The following OXR1 variants were observed in gnomAD, a reference collection of about 807,000 sequenced individuals.
The protein encoded by OXR1 is oxidation resistance protein 1.
OXR1 carries 41 observed loss-of-function variants against 104.6 expected under a neutral mutation model. The ratio of observed to expected loss-of-function variants is 0.39; its 90% CI spans 0.31 to 0.51. The LOEUF (loss-of-function observed/expected upper bound fraction) is 0.51, where lower values mean the gene tolerates loss of function less well. Among genes scored for constraint, OXR1 ranks in the 20% least tolerant of loss-of-function variants. The probability of loss-of-function intolerance (pLI) is 0.77; values close to 1 mark genes in which losing one functional copy is unlikely to be tolerated. For missense variants in OXR1, 955 were observed against 1,031.9 expected, an observed-to-expected ratio of 0.93 and a Z score of 1.02; for synonymous variants, 348 against 348.4, an observed-to-expected ratio of 1.00 and a Z score of 0.01.
At chr8:106,479,279 A>C (rs1169670431) in intron 2 of OXR1, among the ~76,000 whole-genome samples, 1 of 151,992 alleles carries the variant, frequency 6.6e-6, no homozygotes. Flanking sequence ...TTTGGAAATT[A>C]GTACCAACCT....
intron 2 of OXR1, among the ~76,000 whole-genome samples, chr8:106,511,107 C>CATAAGTTTCCAATCT (rs1812495520): frequency 6.6e-6 from 1 of 152,132 alleles, no homozygotes; most frequent in African/African-American, 2.4e-5. Flanking sequence ...TCTTTTAAAG[C>CATAAGTTTCCAATCT]ATAAGTTTCC....
intron 1 of OXR1, among the ~76,000 whole-genome samples, chr8:106,279,779 A>ATCAGAGTTCCT (rs1249525896): frequency 1.3e-5 from 2 of 152,238 alleles, no homozygotes; most frequent in Non-Finnish European, 2.9e-5. Context: ...GTTGTAACTT[A>ATCAGAGTTCCT]TCAGAGTTCC....
chr8:106,530,057 G>T (rs1181072256), intron 3 of OXR1, among the ~76,000 whole-genome samples: 1 of 152,120 alleles, frequency 6.6e-6, no homozygotes, highest in African/African-American at 2.4e-5. Context: ...GTGAGGGGAA[G>T]AAAATGACAA....
At chr8:106,614,662 C>T (rs1420428582) in intron 3 of OXR1, among the ~76,000 whole-genome samples, 3 of 152,288 alleles carry the variant, frequency 2.0e-5, no homozygotes, top group Admixed American at 6.5e-5. Context: ...TTGAGTCTAG[C>T]TCCTATCAGA....
At chr8:106,496,935 G>A (rs972579671) in intron 2 of OXR1, among the ~76,000 whole-genome samples, 2 of 152,134 alleles carry the variant, frequency 1.3e-5, no homozygotes, top group African/African-American at 4.8e-5. Flanking sequence ...CCAAAGACTG[G>A]GAGGGTCAAG....
At chr8:106,552,934 A>G (rs554256413) in intron 3 of OXR1, among the ~76,000 whole-genome samples, 200 of 152,292 alleles carry the variant, frequency 1.3e-3, no homozygotes, top group African/African-American at 4.5e-3. Flanking sequence ...CTCCAAATAA[A>G]TAATATCATC....
intron 2 of OXR1, among the ~76,000 whole-genome samples, chr8:106,384,381 G>A (rs545462276): frequency 2.5e-4 from 38 of 152,266 alleles, no homozygotes; most frequent in African/African-American, 9.1e-4. Context: ...GACAGCTCAA[G>A]CCCATGTTCT....
chr8:106,627,971 G>A (rs1822315449), intron 3 of OXR1, among the ~76,000 whole-genome samples: 1 of 152,070 alleles, frequency 6.6e-6, no homozygotes, highest in African/African-American at 2.4e-5. Context: ...ATTCCTAACT[G>A]GACTCCTACC....
At position 106,679,197 on chromosome 8, in the gene OXR1, C is replaced by CT. The variant is rs779556889; in HGVS notation, c.221-6dup. ...AAGATGAATTTAATAGGAATTTTGCCTTTTTTTCCCAGACACTGGCCAAAA... is the reference window on the plus strand; with the variant it reads ...AAGATGAATTTAATAGGAATTTTGCCTTTTTTTTCCCAGACACTGGCCAAAA... On this transcript the variant is annotated splice_polypyrimidine_tract_variant and intron_variant, in intron 3 of 16. Coordinates refer to ENST00000517566, the MANE Select transcript of OXR1 (RefSeq NM_001198533.2). 5.1e-6 allele frequency: 8 copies of CT among 1,577,610 alleles called. No homozygotes were observed. The highest frequency in any genetic ancestry group is 1.7e-5 in the Admixed American group (1 of 57,896).
chr8:106,335,716 T>A (rs751813706), intron 1 of OXR1, among the ~76,000 whole-genome samples: 1 of 152,212 alleles, frequency 6.6e-6, no homozygotes, highest in South Asian at 2.1e-4. Flanking sequence ...GTTAAAACTA[T>A]GCTCAGGGTT....
intron 2 of OXR1, among the ~76,000 whole-genome samples, chr8:106,389,480 G>C (rs1817511148): frequency 6.6e-6 from 1 of 152,118 alleles, no homozygotes; most frequent in African/African-American, 2.4e-5. Flanking sequence ...TGTGTCTATA[G>C]AGCCTAAATT....
chr8:106,614,816 AGT>A (rs530431419), intron 3 of OXR1, among the ~76,000 whole-genome samples: 2 of 152,074 alleles, frequency 1.3e-5, no homozygotes, highest in African/African-American at 4.8e-5. Context: ...TTGATATGGC[AGT>A]GTGTGTGTGT....
chr8:106,613,723 A>T (rs545500619), intron 3 of OXR1, among the ~76,000 whole-genome samples: 4 of 152,314 alleles, frequency 2.6e-5, no homozygotes, highest in African/African-American at 9.6e-5. Context: ...CATATCAGCC[A>T]ACCATAACTG....
intron 1 of OXR1, among the ~76,000 whole-genome samples, chr8:106,284,167 C>T (rs1812400179): frequency 6.6e-6 from 1 of 151,918 alleles, no homozygotes; most frequent in South Asian, 2.1e-4. Context: ...GTCAGTTAGA[C>T]TACCTGGAAG....
At chr8:106,572,404 A>T (rs1159364422) in intron 3 of OXR1, among the ~76,000 whole-genome samples, 2 of 152,178 alleles carry the variant, frequency 1.3e-5, no homozygotes, top group Non-Finnish European at 2.9e-5. Context: ...CTTCAGAAAA[A>T]GCTTTCTCAA....
chr8:106,711,483 C>T (rs1321880220), intron 10 of OXR1, among the ~76,000 whole-genome samples: 1 of 152,072 alleles, frequency 6.6e-6, no homozygotes, highest in Non-Finnish European at 1.5e-5. Flanking sequence ...ATATTTTTAT[C>T]CCCATTATAG....
chr8:106,741,415 G>T (rs954695265), intron 14 of OXR1, among the ~76,000 whole-genome samples: 1 of 152,120 alleles, frequency 6.6e-6, no homozygotes, highest in African/African-American at 2.4e-5. Context: ...AGAACTAGTA[G>T]TGTTCTGTTT....
At chr8:106,294,487 T>C (rs1039600085) in intron 1 of OXR1, among the ~76,000 whole-genome samples, 2 of 151,740 alleles carry the variant, frequency 1.3e-5, no homozygotes, top group African/African-American at 4.8e-5. Context: ...CTGCAGACTT[T>C]ATAGGAAGCA....
At chr8:106,479,008 T>C (rs1821957912) in intron 2 of OXR1, among the ~76,000 whole-genome samples, 1 of 151,878 alleles carries the variant, frequency 6.6e-6, no homozygotes, top group Non-Finnish European at 1.5e-5. Context: ...TTCATAGATA[T>C]CCTCCATTAA....
Sources: gnomAD v4.1 joint callset for allele counts (sites outside exome capture counted in the v4.1 genomes callset) on GRCh38, gnomAD v4.1.1 for gene constraint, MANE v1.5 for transcripts, NCBI Gene and HGNC (gene_info 2026-07-23, HGNC 2026-07-21) for gene names.